Variants in CIC observed in about 807,000 individuals in gnomAD.
CIC encodes the protein protein capicua homolog.
Under a neutral mutation model 115.7 loss-of-function variants are expected in CIC, and 18 were observed. The observed-to-expected ratio is 0.16, with a 90% CI of 0.11 to 0.23. CIC has a LOEUF of 0.23. Ranked by LOEUF, CIC falls within the 10% of genes least tolerant of loss-of-function variation. The probability of loss-of-function intolerance (pLI) is 1.00; values close to 1 mark genes in which losing one functional copy is unlikely to be tolerated. For synonymous variants in CIC, 1,076 were observed against 923.0 expected (o/e 1.17, Z -3.01); for missense variants, 2,000 against 2,159.3 (o/e 0.93, Z 1.46).
rs970457101 is a variant in CIC, at chr19:42,280,419, C to T, written c.2794+5842C>T. On this transcript the variant is annotated intron_variant, in intron 2 of 20. Coordinates refer to ENST00000681038, the MANE Select transcript of CIC (RefSeq NM_001386298.1). This position sits in a 1 kb window ranked among gnomAD's most constrained non-coding sequence, Gnocchi z 4.9. ...GGGCCGCGCCCAGCCCCCGCTGGCA[C>T]CTAGGGGTGTGGGTTCCCGCGCGCC... is the stretch of plus-strand genomic sequence containing the variant. Among the ~76,000 whole-genome samples the T allele has an allele frequency of 6.6e-6, 1 of 152,148 alleles. No individual in the cohort carries two copies. Among genetic ancestry groups the T allele is most frequent in the Admixed American group, 6.5e-5 (1 of 15,286 alleles).
intron 2 of CIC, 40 bp downstream of exon 2, chr19:42,274,617 C>T (rs766484675): frequency 2.3e-5 from 9 of 398,508 alleles, no homozygotes; most frequent in African/African-American, 8.2e-5. Flanking sequence ...AGGCTCACCT[C>T]GTAGAGGGCC....
At position 42,290,904 on chromosome 19, in the gene CIC, C is replaced by T; in HGVS notation, c.4863C>T (p.Gly1621=). The change falls in exon 11 of 21, where the codon GGC becomes GGT. Residue 1621 remains glycine (G), a synonymous_variant. Transcript: ENST00000681038. ...CAGCAGGTGCCAGGACTGAAATGGG[C>T]ACTGGGTCTCGGGTGCCTGGGGGCT... ...NDTAGARTEM[G]TGSRVPGGSP... 2 of 1,613,518 alleles carry T rather than the reference C, an allele frequency of 1.2e-6. No individual in the cohort carries two copies. The highest frequency in any genetic ancestry group is 1.1e-5 in the South Asian group (1 of 91,086).
At chr19:42,275,532 G>A (rs537302765) in intron 2 of CIC, among the ~76,000 whole-genome samples, 1 of 152,250 alleles carries the variant, frequency 6.6e-6, no homozygotes, top group East Asian at 1.9e-4. Flanking sequence ...AGCTGAGGCT[G>A]GGGGTGGAAG....
At position 42,292,444 on chromosome 19, in the gene CIC, C is replaced by T. The variant is rs2038201240; in HGVS notation, c.5880C>T (p.Ala1960=). The T allele has an allele frequency of 1.2e-6, 2 of 1,611,126 alleles. No individual in the cohort carries two copies. Among genetic ancestry groups the T allele is most frequent in the Admixed American group, 1.7e-5 (1 of 59,938 alleles). The stretch of plus-strand genomic sequence containing the variant: ...CCTCGCTGGGGCCCAGCGGCCCCGC[C>T]TTCGTGCAGCCCCTGCTCTCAGGTG... ...GFTSLGPSGP[A]FVQPLLSAGQ... is the part of the protein sequence containing the mutation. Residue 1960 remains alanine (A), a synonymous_variant, in exon 14 of 21, where the codon GCC becomes GCT. Coordinates refer to ENST00000681038, the MANE Select transcript of CIC (RefSeq NM_001386298.1).
In CIC at chr19:42,272,488, T is replaced by C. The variant is rs1157880797; in HGVS notation, c.705T>C (p.Pro235=). Residue 235 remains proline (P), a synonymous_variant, in exon 2 of 21, where the codon CCT becomes CCC. Transcript: ENST00000681038. ...RRSQDLGVQF[P]GDRALTFYEG... is the part of the protein sequence containing the mutation. ...GCCAGGACCTGGGCGTGCAGTTCCCTGGTGACCGAGCCCTGACTTTCTATG... is the reference window on the plus strand; with the variant it reads ...GCCAGGACCTGGGCGTGCAGTTCCCCGGTGACCGAGCCCTGACTTTCTATG... 5 of 398,440 alleles carry C rather than the reference T, an allele frequency of 1.3e-5. No homozygotes were observed. The Admixed American group carries it at 2.2e-4, about 18-fold the overall frequency. The allele number at this position is 398,440 out of a possible 1,614,324, so 24.7% of individuals were successfully genotyped here.
chr19:42,288,529 G>A (rs544914969), intron 7 of CIC, among the ~76,000 whole-genome samples: 22 of 152,288 alleles, frequency 1.4e-4, no homozygotes, highest in African/African-American at 5.3e-4. Context: ...ATGGATAGTT[G>A]CTATGGATAT....
At position 42,291,592 on chromosome 19, in the gene CIC, G is replaced by C. The variant is rs371384770; in HGVS notation, c.5460G>C (p.Pro1820=). 2 of 1,612,952 alleles carry C rather than the reference G, an allele frequency of 1.2e-6. No homozygotes were observed. Among genetic ancestry groups the C allele is most frequent in the Non-Finnish European group, 8.5e-7 (1 of 1,179,974 alleles). The change falls in exon 12 of 21, where the codon CCG becomes CCC. Residue 1820 remains proline, a synonymous_variant. Transcript: ENST00000681038. ...TTTCTCCCGTGCAGGCCCCGCCCCC[G>C]GGTGGCTCAGCCCAGCTGCTGCCTG... The part of the protein sequence containing the change: ...QSVSPVQAPP[P]GGSAQLLPGK...
intron 2 of CIC, chr19:42,284,842 T>C (rs929795206): frequency 2.3e-6 from 3 of 1,311,852 alleles, no homozygotes; most frequent in Non-Finnish European, 3.2e-6. Flanking sequence ...GTAACGGTGG[T>C]GGGGGTATAG....
chr19:42,280,736 C>A lies in CIC; in HGVS notation c.2795-6035C>A, dbSNP rs915110142. On this transcript the variant is annotated intron_variant, in intron 2 of 20. Coordinates refer to ENST00000681038, the MANE Select transcript of CIC (RefSeq NM_001386298.1). This position sits in a 1 kb window ranked among gnomAD's most constrained non-coding sequence, Gnocchi z 4.9. ...TGCCGGGGGTTGGCTGGGGGCCAGGCGGCGAGTGGAAAATCTCGTGAGCGC... is the reference window on the plus strand; with the variant it reads ...TGCCGGGGGTTGGCTGGGGGCCAGGAGGCGAGTGGAAAATCTCGTGAGCGC... 1.3e-5 allele frequency among the ~76,000 whole-genome samples: 2 copies of A among 151,998 alleles called. No individual in the cohort carries two copies. The highest frequency in any genetic ancestry group is 4.1e-4 in the South Asian group (2 of 4,820).
intron 2 of CIC, among the ~76,000 whole-genome samples, chr19:42,282,505 T>C (rs772638873): frequency 6.6e-6 from 1 of 152,238 alleles, no homozygotes; most frequent in Non-Finnish European, 1.5e-5. Context: ...CCAGATGGGC[T>C]CCACATCCTT....
At chr19:42,294,369 G>A (rs1355896474) in intron 19 of CIC, 65 bp downstream of exon 19, 23 of 1,603,162 alleles carry the variant, frequency 1.4e-5, no homozygotes, top group African/African-American at 2.7e-5. Flanking sequence ...TCTGGAAGGC[G>A]GTTAGAGAGT....
Position 42,290,702 on chromosome 19 carries a change from C to G in CIC, c.4661C>G (p.Ala1554Gly). The change falls in exon 11 of 21, where the codon GCC becomes GGC. Residue 1554 changes from alanine to glycine, a missense_variant. Transcript: ENST00000681038. Reference sequence around the variant, plus strand: ...AAGGAGGAGCAAGAGGGCGGCGGAGCCAGAGTGCCCTCCGCCCCCGCCCCA... The same window carrying G: ...AAGGAGGAGCAAGAGGGCGGCGGAGGCAGAGTGCCCTCCGCCCCCGCCCCA... Reference protein sequence around the residue: ...PNKEEQEGGGARVPSAPAPSL... With the variant: ...PNKEEQEGGGGRVPSAPAPSL... 6.2e-7 allele frequency: 1 copy of G among 1,612,822 alleles called. No individual in the cohort carries two copies. The highest frequency in any genetic ancestry group is 8.5e-7 in the Non-Finnish European group (1 of 1,179,846).
chr19:42,273,451 G>C lies in CIC; in HGVS notation c.1668G>C (p.Thr556=). The change falls in exon 2 of 21, where the codon ACG becomes ACC. Residue 556 remains threonine (T), a synonymous_variant. Transcript: ENST00000681038. ...CCGTGGCAGCCCGTGAGGGCAGCAC[G>C]GAGTTTGACTGGGGTGATGAGACGT... is the stretch of plus-strand genomic sequence containing the variant. The part of the protein sequence containing the change: ...PAAVAAREGS[T]EFDWGDETSR... 1 of 398,520 alleles carries C rather than the reference G, an allele frequency of 2.5e-6. No individual in the cohort carries two copies. Among genetic ancestry groups the C allele is most frequent in the Non-Finnish European group, 4.4e-6 (1 of 225,976 alleles). 24.7% of individuals were successfully genotyped at this position (398,520 alleles called of 1,614,324 possible).
intron 2 of CIC, chr19:42,284,671 G>A: frequency 6.6e-7 from 1 of 1,519,050 alleles, no homozygotes; most frequent in Non-Finnish European, 8.8e-7. Context: ...CTGAGGAGGT[G>A]CGAGCCCCTG....
At position 42,290,866 on chromosome 19, in the gene CIC, T is replaced by C. The variant is rs1242237989; in HGVS notation, c.4825T>C (p.Ser1609Pro). Residue 1609 changes from serine (S) to proline (P), a missense_variant, in exon 11 of 21, where the codon TCT (serine) becomes CCT (proline). This residue lies in a region of CIC where 1,466 missense variants were observed against 1,390.4 expected (regional missense o/e 1.05). Transcript: ENST00000681038. Reference sequence around the variant, plus strand: ...CCCCACCTCTGGCCGGGCTGAGGCGTCTCCAAATGACACAGCAGGTGCCAG... The same window carrying C: ...CCCCACCTCTGGCCGGGCTGAGGCGCCTCCAAATGACACAGCAGGTGCCAG... ...PFPTSGRAEA[S>P]PNDTAGARTE... The C allele has an allele frequency of 6.2e-7, 1 of 1,612,552 alleles. No homozygotes were observed. The highest frequency in any genetic ancestry group is 1.7e-5 in the Admixed American group (1 of 59,894).
intron 2 of CIC, among the ~76,000 whole-genome samples, chr19:42,279,383 C>G (rs1396337330): frequency 6.6e-6 from 1 of 152,252 alleles, no homozygotes; most frequent in African/African-American, 2.4e-5. Context: ...GGTACTGAGT[C>G]TGGGGAAGCC....
At position 42,292,673 on chromosome 19, in the gene CIC, T is replaced by A. The variant is rs756213136; in HGVS notation, c.6010T>A (p.Phe2004Ile). The A allele has an allele frequency of 6.2e-7, 1 of 1,613,816 alleles. No homozygotes were observed. Among genetic ancestry groups the A allele is most frequent in the South Asian group, 1.1e-5 (1 of 91,082 alleles). The part of the protein sequence containing the change: ...AAPGGPVITA[F>I]YSGSPAPTSS... ...CCCCGGAGGTCCTGTCATAACAGCA[T>A]TTTACTCTGGCAGCCCTGCACCCAC... Residue 2004 changes from phenylalanine (F) to isoleucine (I), a missense_variant, in exon 15 of 21, where the codon TTT (phenylalanine) becomes ATT (isoleucine). Phe to Ile is a conservative substitution (Grantham distance 21). Transcript: ENST00000681038.
At chr19:42,288,016 CCCCGAGAG>C in intron 7 of CIC, 41 bp downstream of exon 7, 1 of 1,556,092 alleles carries the variant, frequency 6.4e-7, no homozygotes, top group Non-Finnish European at 8.7e-7. Context: ...CCACCTCCCT[CCCCGAGAG>C]CCACCAGCTA....
Position 42,291,485 on chromosome 19 carries a change from A to G in CIC, c.5425+19A>G, listed in dbSNP as rs758732331. On this transcript the variant is annotated intron_variant, in intron 11 of 20. Transcript: ENST00000681038. ...CCCAAAGGTGAGACCTGGGCCGGGC[A>G]GCACTAGGGGAGGGGCCATAGTCCT... 28 of 1,613,138 alleles carry G rather than the reference A, an allele frequency of 1.7e-5. No individual in the cohort carries two copies. In the East Asian group the frequency reaches 4.5e-4, roughly 26 times the overall value.
Sources: allele counts gnomAD v4.1 joint callset (sites outside exome capture counted in the v4.1 genomes callset), GRCh38; gene constraint gnomAD v4.1.1; regional missense constraint gnomAD v4.1.1; non-coding constraint Gnocchi (gnomAD v3.1); transcripts MANE v1.5; gene names NCBI Gene and HGNC (gene_info 2026-07-23, HGNC 2026-07-21).